Variants in SHANK2 observed in about 807,000 individuals in gnomAD.
SHANK2 encodes SH3 and multiple ankyrin repeat domains 2.
Under a neutral mutation model 133.7 loss-of-function variants are expected in SHANK2, and 43 were observed. The observed-to-expected ratio is 0.32, with a 90% CI of 0.25 to 0.41. SHANK2 has a LOEUF of 0.41. Ranked by LOEUF, SHANK2 falls within the 10% of genes least tolerant of loss-of-function variation. The probability of loss-of-function intolerance (pLI) is 1.00; values close to 1 mark genes in which losing one functional copy is unlikely to be tolerated. For synonymous variants in SHANK2, 1,017 were observed against 952.8 expected (o/e 1.07, Z -1.24); for missense variants, 1,994 against 2,235.8 (o/e 0.89, Z 2.18).
chr11:70,469,690 A>G lies in SHANK2; in HGVS notation c.*3179T>C, dbSNP rs1433683933. On this transcript the variant is annotated 3_prime_UTR_variant, in exon 26 of 26. Transcript: ENST00000601538. ...AATCAATATTGTGGCCCACACACAAAAAGTCATTGCCAGATCAACTGGATA... is the reference window on the plus strand; with the variant it reads ...AATCAATATTGTGGCCCACACACAAGAAGTCATTGCCAGATCAACTGGATA... The G allele has an allele frequency of 6.6e-6, 1 of 152,666 alleles. No homozygotes were observed. Among genetic ancestry groups the G allele is most frequent in the Non-Finnish European group, 1.5e-5 (1 of 68,044 alleles). The allele number at this position is 152,666 out of a possible 1,614,324, so 9.5% of individuals were successfully genotyped here.
chr11:70,898,154 T>C (rs1949966253), intron 10 of SHANK2, among the ~76,000 whole-genome samples: 1 of 151,112 alleles, frequency 6.6e-6, no homozygotes, highest in Non-Finnish European at 1.5e-5. Context: ...TTTTTTTTGG[T>C]AGAGACAGGG....
Position 70,486,660 on chromosome 11 carries a change from A to C in SHANK2, c.3633T>G (p.Asp1211Glu). ...YVHPLTGRLL[D>E]PSSPLALALS... The stretch of plus-strand genomic sequence containing the variant: ...GTGCCAGGGCCAGCGGGGAGCTGGG[A>C]TCAAGCAGCCGCCCTGTGAGTGGGT... The change falls in exon 25 of 26, where the codon GAT becomes GAG. Residue 1211 changes from aspartate (D) to glutamate (E), a missense_variant. Asp to Glu is a conservative substitution (Grantham distance 45). Transcript: ENST00000601538. This position sits in a 1 kb window ranked among gnomAD's most constrained non-coding sequence, Gnocchi z 8.0. 6.2e-7 allele frequency: 1 copy of C among 1,612,040 alleles called. No homozygotes were observed. The highest frequency in any genetic ancestry group is 8.5e-7 in the Non-Finnish European group (1 of 1,179,966).
chr11:70,771,093 T>C (rs929922118), intron 14 of SHANK2, among the ~76,000 whole-genome samples: 5 of 151,888 alleles, frequency 3.3e-5, no homozygotes, highest in African/African-American at 1.2e-4. Context: ...CCTGGCTAAT[T>C]TTTTTGTATT....
intron 10 of SHANK2, among the ~76,000 whole-genome samples, chr11:70,952,112 A>C (rs1035380314): frequency 6.6e-6 from 1 of 152,214 alleles, no homozygotes; most frequent in African/African-American, 2.4e-5. Flanking sequence ...TGGCCTGCCC[A>C]GGGGCACCAG....
At chr11:71,216,151 C>T (rs782556496) in intron 2 of SHANK2, among the ~76,000 whole-genome samples, 2 of 152,170 alleles carry the variant, frequency 1.3e-5, no homozygotes, top group Non-Finnish European at 2.9e-5. Context: ...GAAATCGCGT[C>T]CACACAAAAG....
chr11:71,243,956 C>T (rs1866880), intron 1 of SHANK2, among the ~76,000 whole-genome samples: 10,655 of 152,208 alleles, frequency 0.07, 431 homozygotes, highest in Middle Eastern at 0.13. Context: ...AGAATGAAGG[C>T]CAATTTTGCA....
intron 9 of SHANK2, among the ~76,000 whole-genome samples, chr11:71,067,092 G>T (rs968053074): frequency 8.5e-5 from 13 of 152,200 alleles, no homozygotes; most frequent in Non-Finnish European, 1.8e-4. Flanking sequence ...CAGAGCTGGG[G>T]GAGGTGAAGG....
chr11:70,918,371 T>C (rs927769315), intron 10 of SHANK2, among the ~76,000 whole-genome samples: 10 of 152,216 alleles, frequency 6.6e-5, no homozygotes, highest in Non-Finnish European at 1.2e-4. Flanking sequence ...ATTTATGTCC[T>C]AGAATCACAA....
At position 71,105,168 on chromosome 11, in the gene SHANK2, G is replaced by A. The variant is rs934940905; in HGVS notation, c.592+4773C>T. Among the ~76,000 whole-genome samples the A allele has an allele frequency of 2.6e-5, 4 of 152,314 alleles. No individual in the cohort carries two copies. The East Asian group carries it at 7.7e-4, about 29-fold the overall frequency. The stretch of plus-strand genomic sequence containing the variant: ...GCACCAAAAGGAAACGCGCTTCCAA[G>A]CTGTGAAAGGGCCTGGAGGCACCTT... On this transcript the variant is annotated intron_variant, in intron 6 of 25. Transcript: ENST00000601538.
At chr11:71,063,144 A>T (rs1000115112) in intron 9 of SHANK2, among the ~76,000 whole-genome samples, 1 of 152,208 alleles carries the variant, frequency 6.6e-6, no homozygotes, top group African/African-American at 2.4e-5. Context: ...ATTCCCTATT[A>T]TAAAGGACAT....
chr11:71,085,817 A>G (rs1254467193), intron 8 of SHANK2, among the ~76,000 whole-genome samples: 27 of 428 alleles, frequency 0.063, 1 homozygote, highest in Admixed American at 0.14. Context: ...ATATTATGTT[A>G]TATTATATAA....
chr11:70,919,876 T>TGA (rs1376370132), intron 10 of SHANK2, among the ~76,000 whole-genome samples: 9 of 152,240 alleles, frequency 5.9e-5, no homozygotes, highest in Non-Finnish European at 8.8e-5. Flanking sequence ...CTTAACATTA[T>TGA]GTCCTCCGGG....
chr11:70,674,222 G>C (rs1944866708), intron 15 of SHANK2, among the ~76,000 whole-genome samples: 1 of 152,168 alleles, frequency 6.6e-6, no homozygotes, highest in Admixed American at 6.5e-5. Flanking sequence ...CATGCTTCCT[G>C]GGCAGCCTGC....
rs1295260505 is a variant in SHANK2, at chr11:70,820,890, G to A, written c.1175-208C>T. Among the ~76,000 whole-genome samples, 3 of 152,320 alleles carry A rather than the reference G, an allele frequency of 2.0e-5. No homozygotes were observed. The East Asian group carries it at 5.8e-4, about 29-fold the overall frequency. On this transcript the variant is annotated intron_variant, in intron 11 of 25. Transcript: ENST00000601538. ...ACATGGAAGCAGAGAGACAGGCTGG[G>A]GACGGAGAACATCTCCACGGCACGG... is the stretch of plus-strand genomic sequence containing the variant.
intron 17 of SHANK2, among the ~76,000 whole-genome samples, chr11:70,606,967 T>C (rs1201603801): frequency 6.6e-6 from 1 of 152,188 alleles, no homozygotes; most frequent in Non-Finnish European, 1.5e-5. Flanking sequence ...ATGTCGTCTG[T>C]GTCTGCAGCT....
intron 13 of SHANK2, among the ~76,000 whole-genome samples, chr11:70,803,528 G>A (rs1201740158): frequency 6.6e-6 from 1 of 151,828 alleles, no homozygotes; most frequent in Admixed American, 6.6e-5. Flanking sequence ...AAAATCACCT[G>A]AGGAGCTTGT....
intron 6 of SHANK2, among the ~76,000 whole-genome samples, chr11:71,098,923 G>A (rs77094343): frequency 0.032 from 4,863 of 152,198 alleles, 108 homozygotes; most frequent in Admixed American, 0.051. Context: ...CCATCTCTCC[G>A]TGGGGAAACC....
chr11:70,938,887 G>A (rs528163071), intron 10 of SHANK2, among the ~76,000 whole-genome samples: 33 of 152,160 alleles, frequency 2.2e-4, no homozygotes, highest in Non-Finnish European at 3.4e-4. Context: ...CCTTCTTAGC[G>A]GGGCAGCTGC....
chr11:70,680,763 G>A (rs189094809), intron 15 of SHANK2, among the ~76,000 whole-genome samples: 24 of 152,292 alleles, frequency 1.6e-4, no homozygotes, highest in Admixed American at 8.5e-4. Flanking sequence ...GGCTCAAGGT[G>A]GATGAGGCTT....
Sources: allele counts gnomAD v4.1 joint callset (sites outside exome capture counted in the v4.1 genomes callset), GRCh38; gene constraint gnomAD v4.1.1; non-coding constraint Gnocchi (gnomAD v3.1); transcripts MANE v1.5; gene names NCBI Gene and HGNC (gene_info 2026-07-23, HGNC 2026-07-21).